Variants in CEMIP observed in about 807,000 individuals in gnomAD.
The protein encoded by CEMIP is cell migration-inducing and hyaluronan-binding protein.
A neutral mutation model predicts 156.9 loss-of-function variants in CEMIP; 105 were observed. That is an observed-to-expected ratio of 0.67 (90% CI 0.57 to 0.79). The LOEUF (loss-of-function observed/expected upper bound fraction) is 0.79, where lower values mean the gene tolerates loss of function less well. CEMIP is among the 30% of genes least tolerant of loss of function. CEMIP has a pLI of 0.00. For synonymous variants in CEMIP, 676 were observed against 668.4 expected (o/e 1.01, Z -0.17); for missense variants, 1,457 against 1,769.4 (o/e 0.82, Z 3.17).
Position 80,909,408 on chromosome 15 carries a change from T to C in CEMIP, c.1797+102T>C, listed in dbSNP as rs73500487. ...ACACTTAATCCAGGGCCTTTGGGGA[T>C]TGAACCATCCTTAGTTCAGGTTTCA... On this transcript the variant is annotated intron_variant, in intron 14 of 29. Coordinates refer to ENST00000394685, the MANE Select transcript of CEMIP (RefSeq NM_001293298.2). 4.8e-3 allele frequency: 5,606 copies of C among 1,178,086 alleles called. 149 individuals carry two copies. In the African/African-American group the frequency reaches 0.063, roughly 13 times the overall value. 73.0% of individuals were successfully genotyped at this position (1,178,086 alleles called of 1,614,324 possible).
intron 29 of CEMIP, chr15:80,947,284 G>A (rs187523746): frequency 1.9e-6 from 1 of 517,684 alleles, no homozygotes; most frequent in Non-Finnish European, 3.5e-6. Flanking sequence ...ATTATAACTT[G>A]CCACCAGCCA....
chr15:80,933,094 C>A, intron 22 of CEMIP, 151 bp from the exon 23 acceptor site: 1 of 689,656 alleles, frequency 1.5e-6, no homozygotes, highest in Non-Finnish European at 2.6e-6. Flanking sequence ...TCGGAGGGGT[C>A]AGCCACGTGG....
At chr15:80,909,382 G>A in intron 14 of CEMIP, 76 bp downstream of exon 14, 1 of 1,443,020 alleles carries the variant, frequency 6.9e-7, no homozygotes, top group South Asian at 1.2e-5. Context: ...TTTGGATGTA[G>A]ACACTTAATC....
In CEMIP at chr15:80,925,730, G is replaced by A. The variant is rs1307974391; in HGVS notation, c.2395G>A (p.Gly799Arg). The change falls in exon 19 of 30, where the codon GGG (glycine) becomes AGG (arginine). Residue 799 changes from glycine to arginine, a missense_variant. Around this residue, in one of 5 missense-constraint regions of CEMIP, gnomAD observed 798 missense variants for 980.1 expected, o/e 0.81. Coordinates refer to ENST00000394685, the MANE Select transcript of CEMIP (RefSeq NM_001293298.2). ...GGACCACGGGGCCTGGCTGCGCGGC[G>A]GGGATGTGTGGCTGGACAGCTGCCG... Reference protein sequence around the residue: ...NQDHGAWLRGGDVWLDSCRFA... With the variant: ...NQDHGAWLRGRDVWLDSCRFA... 11 of 1,613,242 alleles carry A rather than the reference G, an allele frequency of 6.8e-6. No homozygotes were observed. Among genetic ancestry groups the A allele is most frequent in the Non-Finnish European group, 9.3e-6 (11 of 1,179,958 alleles).
rs1256961834 is a variant in CEMIP at position 80,932,353 on chromosome 15, A to C, written c.2793+314A>C. On this transcript the variant is annotated intron_variant, in intron 22 of 29. Transcript: ENST00000394685. This position sits in a 1 kb window ranked among gnomAD's most constrained non-coding sequence, Gnocchi z 4.5. ...TTCCTCCAAGGGACTTGACTTTGAC[A>C]AACTGAGTCTTCTGACCAGGCCACC... Among the ~76,000 whole-genome samples, 1 of 152,190 alleles carries C rather than the reference A, an allele frequency of 6.6e-6. No individual in the cohort carries two copies. The highest frequency in any genetic ancestry group is 1.5e-5 in the Non-Finnish European group (1 of 68,036).
chr15:80,909,710 C>T (rs1267047789), intron 14 of CEMIP: 1 of 439,760 alleles, frequency 2.3e-6, no homozygotes, highest in East Asian at 7.1e-5. Context: ...CAACAATGGG[C>T]TTTTTTTCTT....
Position 80,942,256 on chromosome 15 carries a change from A to G in CEMIP, c.3618A>G (p.Thr1206=), listed in dbSNP as rs1901369103. The change falls in exon 27 of 30, where the codon ACA becomes ACG. Residue 1206 remains threonine, a synonymous_variant. Coordinates refer to ENST00000394685, the MANE Select transcript of CEMIP (RefSeq NM_001293298.2). ...GGGTTCTATGTGTTTTCCAGAAAAC[A>G]AAGGACCATTTCTTGGAGGTGAAGA... The part of the protein sequence containing the change: ...PKKLFGSQLK[T]KDHFLEVKME... 6.2e-7 allele frequency: 1 copy of G among 1,613,908 alleles called. No homozygotes were observed. Among genetic ancestry groups the G allele is most frequent in the African/African-American group, 1.3e-5 (1 of 75,062 alleles).
intron 1 of CEMIP, among the ~76,000 whole-genome samples, chr15:80,867,691 C>T (rs937018333): frequency 6.6e-6 from 1 of 152,212 alleles, no homozygotes; most frequent in Non-Finnish European, 1.5e-5. Flanking sequence ...GTTCCCCAGG[C>T]TTGGGACTCT....
intron 23 of CEMIP, among the ~76,000 whole-genome samples, chr15:80,936,155 TG>T (rs1596205357): frequency 6.6e-6 from 1 of 152,364 alleles, no homozygotes; most frequent in African/African-American, 2.4e-5. Flanking sequence ...CATTTATTCA[TG>T]CAGTGTGTTG....
At position 80,932,252 on chromosome 15, in the gene CEMIP, C is replaced by T. The variant is rs553894567; in HGVS notation, c.2793+213C>T. ...CACAGGTCAGGTCTGGGTAAATGCC[C>T]GCTTGCTCTCTCCCTGCTCAAAACT... On this transcript the variant is annotated intron_variant, in intron 22 of 29. Transcript: ENST00000394685. The surrounding 1 kb of genome is among the most constrained non-coding windows in gnomAD (Gnocchi z 4.5). 2.6e-5 allele frequency among the ~76,000 whole-genome samples: 4 copies of T among 152,254 alleles called. No individual in the cohort carries two copies. Among genetic ancestry groups the T allele is most frequent in the South Asian group, 2.1e-4 (1 of 4,818 alleles).
At chr15:80,784,561 C>T (rs1245985970) in intron 1 of CEMIP, among the ~76,000 whole-genome samples, 2 of 152,186 alleles carry the variant, frequency 1.3e-5, no homozygotes, top group African/African-American at 4.8e-5. Flanking sequence ...AGGTGGGAAC[C>T]ATTGGAGTGT....
Position 80,852,685 on chromosome 15 carries a change from A to G in CEMIP, c.-175-20853A>G, listed in dbSNP as rs928494754. Among the ~76,000 whole-genome samples the G allele has an allele frequency of 3.3e-5, 5 of 152,214 alleles. No individual in the cohort carries two copies. The South Asian group carries it at 1.0e-3, about 32-fold the overall frequency. ...TTCATGTCCCAACATACTTTGAGAG[A>G]TAGTCTCACCCCCTCCCTTTTCCTC... On this transcript the variant is annotated intron_variant, in intron 1 of 29. Coordinates refer to ENST00000394685, the MANE Select transcript of CEMIP (RefSeq NM_001293298.2).
At chr15:80,876,868 C>T (rs773494717) in intron 3 of CEMIP, among the ~76,000 whole-genome samples, 10 of 152,198 alleles carry the variant, frequency 6.6e-5, no homozygotes, top group South Asian at 6.2e-4. Context: ...AGAACTGACA[C>T]GCTCATAATT....
At chr15:80,784,904 G>GT (rs1304699577) in intron 1 of CEMIP, among the ~76,000 whole-genome samples, 3 of 152,170 alleles carry the variant, frequency 2.0e-5, no homozygotes, top group Admixed American at 2.0e-4. Context: ...TCTTCTTGGT[G>GT]TAATTTAAGT....
chr15:80,783,670 G>T (rs1895853691), intron 1 of CEMIP, among the ~76,000 whole-genome samples: 1 of 152,198 alleles, frequency 6.6e-6, no homozygotes, highest in East Asian at 1.9e-4. Flanking sequence ...GATGGTGACT[G>T]TCATGGTGAC....
intron 7 of CEMIP, 25 bp downstream of exon 7, chr15:80,884,379 A>C (rs1367694949): frequency 6.2e-7 from 1 of 1,612,582 alleles, no homozygotes; most frequent in Non-Finnish European, 8.5e-7. Context: ...TTCGGCTTCC[A>C]CTGGGCTCTG....
chr15:80,911,538 C>G (rs1900052964), intron 14 of CEMIP, among the ~76,000 whole-genome samples: 1 of 151,986 alleles, frequency 6.6e-6, no homozygotes, highest in African/African-American at 2.4e-5. Context: ...CACACACACA[C>G]ACACACACAC....
At position 80,815,968 on chromosome 15, in the gene CEMIP, C is replaced by T. The variant is rs116944191; in HGVS notation, c.-176+36354C>T. 4.9e-3 allele frequency among the ~76,000 whole-genome samples: 753 copies of T among 152,282 alleles called. 31 individuals are homozygous for T. The East Asian group carries it at 0.079, about 16-fold the overall frequency. On this transcript the variant is annotated intron_variant, in intron 1 of 29. Coordinates refer to ENST00000394685, the MANE Select transcript of CEMIP (RefSeq NM_001293298.2). ...AATAAATACTTTTCCTGGGATGAGT[C>T]CATTACCGGTGCCCTCTTTCCAATA...
chr15:80,795,048 A>T (rs2141587873), intron 1 of CEMIP, among the ~76,000 whole-genome samples: 1 of 151,812 alleles, frequency 6.6e-6, no homozygotes, highest in Middle Eastern at 3.4e-3. Flanking sequence ...CAAGACAGAG[A>T]GTGAGAGAAG....
Sources: gnomAD v4.1 joint callset for allele counts (sites outside exome capture counted in the v4.1 genomes callset) on GRCh38, gnomAD v4.1.1 for gene constraint, gnomAD v4.1.1 regional missense constraint, Gnocchi (gnomAD v3.1) non-coding constraint, MANE v1.5 for transcripts, NCBI Gene and HGNC (gene_info 2026-07-23, HGNC 2026-07-21) for gene names.